Variants in ACOXL observed in about 807,000 individuals in gnomAD.
ACOXL encodes acyl-CoA oxidase like, also known as acyl-coenzyme A oxidase-like protein.
Under a neutral mutation model 71.9 loss-of-function variants are expected in ACOXL, and 70 were observed. The observed-to-expected ratio is 0.97, with a 90% CI of 0.80 to 1.19. The LOEUF is 1.19. ACOXL is among the 50% of genes most tolerant of loss of function. The probability of loss-of-function intolerance (pLI) is 0.00; values close to 1 mark genes in which losing one functional copy is unlikely to be tolerated. For synonymous variants in ACOXL, 253 were observed against 281.6 expected, an observed-to-expected ratio of 0.90 and a Z score of 1.02; for missense variants, 703 against 736.3, an observed-to-expected ratio of 0.95 and a Z score of 0.52.
At chr2:110,767,077 G>A (rs1019829915) in intron 1 of ACOXL, among the ~76,000 whole-genome samples, 6 of 152,188 alleles carry the variant, frequency 3.9e-5, no homozygotes, top group African/African-American at 1.4e-4. Flanking sequence ...TTGCTCTGAT[G>A]TTTTTCTGTT....
intron 1 of ACOXL, among the ~76,000 whole-genome samples, chr2:110,747,156 G>A (rs2104762430): frequency 6.6e-6 from 1 of 152,232 alleles, no homozygotes; most frequent in South Asian, 2.1e-4. Context: ...TTGAAACTGT[G>A]CTGGGTCTGC....
At chr2:111,047,327 T>C (rs1358391649) in intron 15 of ACOXL, among the ~76,000 whole-genome samples, 1 of 152,096 alleles carries the variant, frequency 6.6e-6, no homozygotes, top group Non-Finnish European at 1.5e-5. Context: ...GAGCTGTCAG[T>C]GAGAATCCAG....
chr2:110,976,474 G>A (rs1468040763), intron 12 of ACOXL, among the ~76,000 whole-genome samples: 1 of 152,236 alleles, frequency 6.6e-6, no homozygotes, highest in African/African-American at 2.4e-5. Flanking sequence ...TATTGATCAA[G>A]TATGAGGCAA....
At chr2:110,811,471 A>G (rs2105418051) in intron 9 of ACOXL, among the ~76,000 whole-genome samples, 1 of 152,222 alleles carries the variant, frequency 6.6e-6, no homozygotes, top group East Asian at 1.9e-4. Flanking sequence ...TGTCCTGAAA[A>G]TGTGTGGTGC....
At chr2:111,083,708 C>T (rs2068051598) in intron 16 of ACOXL, among the ~76,000 whole-genome samples, 1 of 152,114 alleles carries the variant, frequency 6.6e-6, no homozygotes, top group Non-Finnish European at 1.5e-5. Context: ...CAAACACACT[C>T]ATACCAGGCA....
Position 110,781,645 on chromosome 2 carries a change from A to G in ACOXL, c.76-3087A>G, listed in dbSNP as rs1490693641. On this transcript the variant is annotated intron_variant, in intron 2 of 17. Transcript: ENST00000439055. The stretch of plus-strand genomic sequence containing the variant: ...GACAGAATGATACTCCATCTCAAAA[A>G]TAAATAAATAAATAAATAAATATAA... Among the ~76,000 whole-genome samples the G allele has an allele frequency of 5.9e-5, 9 of 151,604 alleles. No individual in the cohort carries two copies. The East Asian group carries it at 1.7e-3, about 29-fold the overall frequency.
At chr2:110,770,576 A>G (rs1279146910) in intron 2 of ACOXL, among the ~76,000 whole-genome samples, 1 of 152,224 alleles carries the variant, frequency 6.6e-6, no homozygotes, top group African/African-American at 2.4e-5. Flanking sequence ...AGCGTAAAAA[A>G]TCATTTCATA....
chr2:111,053,230 A>G (rs1246345442), intron 16 of ACOXL, among the ~76,000 whole-genome samples: 2 of 151,872 alleles, frequency 1.3e-5, no homozygotes, highest in Admixed American at 6.6e-5. Context: ...GCCTTCTACC[A>G]CTCGTCTCTC....
At chr2:110,881,176 C>T (rs575609364) in intron 10 of ACOXL, among the ~76,000 whole-genome samples, 141 of 151,342 alleles carry the variant, frequency 9.3e-4, no homozygotes, top group African/African-American at 3.4e-3. Context: ...TATATACACA[C>T]ATATATATTA....
chr2:110,805,032 G>A (rs879072897), intron 8 of ACOXL, among the ~76,000 whole-genome samples: 6 of 152,182 alleles, frequency 3.9e-5, no homozygotes, highest in Non-Finnish European at 2.9e-5. Flanking sequence ...GTCAGGCTCC[G>A]GTGCTGGTTT....
intron 10 of ACOXL, among the ~76,000 whole-genome samples, chr2:110,880,806 C>T (rs2149092555): frequency 6.6e-6 from 1 of 152,270 alleles, no homozygotes; most frequent in Non-Finnish European, 1.5e-5. Flanking sequence ...GAGTGAGACC[C>T]TGTCTCAATG....
At chr2:110,843,936 G>A (rs576298213) in intron 10 of ACOXL, among the ~76,000 whole-genome samples, 75 of 152,368 alleles carry the variant, frequency 4.9e-4, no homozygotes, top group African/African-American at 1.8e-3. Flanking sequence ...CATCTCCTGA[G>A]GCTGCCTTGC....
At chr2:110,909,229 TA>T (rs955387703) in intron 11 of ACOXL, among the ~76,000 whole-genome samples, 27 of 152,214 alleles carry the variant, frequency 1.8e-4, no homozygotes, top group African/African-American at 6.5e-4. Context: ...CTTGAACAGT[TA>T]AAAGTTCTTT....
In ACOXL at chr2:111,118,529, A is replaced by C. The variant is rs926816413; in HGVS notation, c.*713A>C. ...AGAGAATAGGTGAAAAGTTTAATAA[A>C]GAAATTAAGCGATGTGGAAGTCGTT... is the stretch of plus-strand genomic sequence containing the variant. On this transcript the variant is annotated 3_prime_UTR_variant, in exon 18 of 18. Coordinates refer to ENST00000439055, the MANE Select transcript of ACOXL (RefSeq NM_001142807.4). 6.6e-6 allele frequency among the ~76,000 whole-genome samples: 1 copy of C among 152,230 alleles called. No individual in the cohort carries two copies. Among genetic ancestry groups the C allele is most frequent in the African/African-American group, 2.4e-5 (1 of 41,448 alleles).
intron 10 of ACOXL, among the ~76,000 whole-genome samples, chr2:110,856,849 G>A (rs1376332340): frequency 2.0e-5 from 3 of 152,230 alleles, no homozygotes; most frequent in Non-Finnish European, 4.4e-5. Context: ...TGTGCAAAGA[G>A]AATATACAAT....
chr2:110,968,672 C>A, intron 12 of ACOXL: 1 of 1,140,274 alleles, frequency 8.8e-7, no homozygotes, highest in Non-Finnish European at 1.2e-6. Flanking sequence ...TCAGATAGCT[C>A]AAAAGAAGGC....
rs1416635962 is a variant in ACOXL at position 110,801,660 on chromosome 2, G to T, written c.556G>T (p.Gly186Cys). The part of the protein sequence containing the change: ...IDMMYKEGLH[G>C]VDNGILIFDK... Reference sequence around the variant, plus strand: ...CTTTCTATTCTTGCCAGGTCTGCATGGTGTGGACAATGGGATATTAATATT... The same window carrying T: ...CTTTCTATTCTTGCCAGGTCTGCATTGTGTGGACAATGGGATATTAATATT... Residue 186 changes from glycine (G) to cysteine (C), a missense_variant, in exon 8 of 18, where the codon GGT (glycine) becomes TGT (cysteine). By Grantham distance (159) the Gly-to-Cys change is radical. Transcript: ENST00000439055. 1.9e-6 allele frequency: 3 copies of T among 1,613,998 alleles called. No individual in the cohort carries two copies. Among genetic ancestry groups the T allele is most frequent in the Non-Finnish European group, 2.5e-6 (3 of 1,179,968 alleles).
intron 17 of ACOXL, among the ~76,000 whole-genome samples, chr2:111,104,365 T>G (rs2069389175): frequency 6.6e-6 from 1 of 152,230 alleles, no homozygotes; most frequent in African/African-American, 2.4e-5. Flanking sequence ...GGGGTTCCAT[T>G]GCTGGGTCGC....
intron 16 of ACOXL, among the ~76,000 whole-genome samples, chr2:111,091,479 G>C (rs941778311): frequency 2.0e-5 from 3 of 152,098 alleles, no homozygotes; most frequent in Non-Finnish European, 2.9e-5. Context: ...TCTGCACCTA[G>C]AAACTCACAG....
Sources: allele counts gnomAD v4.1 joint callset (sites outside exome capture counted in the v4.1 genomes callset), GRCh38; gene constraint gnomAD v4.1.1; transcripts MANE v1.5; gene names NCBI Gene and HGNC (gene_info 2026-07-23, HGNC 2026-07-21).